LEPROTL1: variants seen among roughly 807,000 people sequenced by gnomAD.
LEPROTL1 encodes the protein leptin receptor overlapping transcript like 1, also known as leptin receptor overlapping transcript-like 1.
Under a neutral mutation model 15.4 loss-of-function variants are expected in LEPROTL1, and 6 were observed. The observed-to-expected ratio is 0.39, with a 90% CI of 0.21 to 0.77. The LOEUF (loss-of-function observed/expected upper bound fraction) is 0.77. LEPROTL1 is among the 30% of genes least tolerant of loss of function. The probability of loss-of-function intolerance (pLI) is 0.41; values close to 1 mark genes in which losing one functional copy is unlikely to be tolerated. For synonymous variants in LEPROTL1, 56 were observed against 52.6 expected (o/e 1.06, Z -0.28); for missense variants, 128 against 158.1 (o/e 0.81, Z 1.02).
At chr8:30,128,896 CTTTT>C (rs35339784) in intron 3 of LEPROTL1, among the ~76,000 whole-genome samples, 1 of 145,636 alleles carries the variant, frequency 6.9e-6, no homozygotes, top group Admixed American at 6.9e-5. Flanking sequence ...CTCTGTTTTT[CTTTT>C]TTTTTTTTTG....
chr8:30,106,938 C>A lies in LEPROTL1; in HGVS notation c.*1076C>A. On this transcript the variant is annotated 3_prime_UTR_variant, in exon 4 of 4. Transcript: ENST00000321250. ...CCTGGAAAATAATTGCTATGCCGTACATTCAGAGTGCCCCCTCCCCTGCAA... is the reference window on the plus strand; with the variant it reads ...CCTGGAAAATAATTGCTATGCCGTAAATTCAGAGTGCCCCCTCCCCTGCAA... 1.0e-6 allele frequency: 1 copy of A among 985,562 alleles called. No homozygotes were observed. The highest frequency in any genetic ancestry group is 1.2e-6 in the Non-Finnish European group (1 of 829,704). The allele number at this position is 985,562 out of a possible 1,614,324, so 61.1% of individuals were successfully genotyped here.
At chr8:30,101,649 CAA>C (rs1172334352) in intron 1 of LEPROTL1, among the ~76,000 whole-genome samples, 1 of 94,148 alleles carries the variant, frequency 1.1e-5, no homozygotes, top group African/African-American at 4.2e-5. Flanking sequence ...GCCTGGGCAA[CAA>C]GAGTGAAACT....
At chr8:30,119,120 C>T (rs1314648388) in intron 3 of LEPROTL1, among the ~76,000 whole-genome samples, 1 of 152,142 alleles carries the variant, frequency 6.6e-6, no homozygotes, top group Non-Finnish European at 1.5e-5. Context: ...CCTGGTTTAT[C>T]GAGACTGGAG....
chr8:30,112,705 C>T (rs1802673809), downstream of LEPROTL1, among the ~76,000 whole-genome samples: 1 of 151,902 alleles, frequency 6.6e-6, no homozygotes, highest in Non-Finnish European at 1.5e-5. Flanking sequence ...AGTTATTTAA[C>T]CCGTGTCCCA....
At chr8:30,113,628 T>A (rs750240507) in intron 3 of LEPROTL1, among the ~76,000 whole-genome samples, 94 of 152,100 alleles carry the variant, frequency 6.2e-4, no homozygotes, top group Non-Finnish European at 1.0e-3. Context: ...TCACCCTCCA[T>A]TATGGGCCGG....
intron 3 of LEPROTL1, chr8:30,117,631 C>T (rs536222313): frequency 1.1e-4 from 166 of 1,470,106 alleles, no homozygotes; most frequent in Non-Finnish European, 1.5e-4. Flanking sequence ...ATTTCAAATT[C>T]GCCAATGTAA....
downstream of LEPROTL1, among the ~76,000 whole-genome samples, chr8:30,109,940 C>G (rs1001360195): frequency 1.3e-5 from 2 of 151,666 alleles, no homozygotes; most frequent in Non-Finnish European, 2.9e-5. Context: ...TGTTACCATG[C>G]TGTGCAGCAG....
In LEPROTL1 at chr8:30,132,867, C is replaced by G. The variant is rs1454315185; in HGVS notation, c.394+378C>G. 5 of 1,547,256 alleles carry G rather than the reference C, an allele frequency of 3.2e-6. No homozygotes were observed. The African/African-American group carries it at 5.5e-5, about 17-fold the overall frequency. On this transcript the variant is annotated intron_variant, in intron 4 of 4. Transcript: ENST00000442880. ...TGTCCAGAGAGAGGGACGTGACCCTCTGGGTCAAGAGCATGAGAGAAGAAA... is the reference window on the plus strand; with the variant it reads ...TGTCCAGAGAGAGGGACGTGACCCTGTGGGTCAAGAGCATGAGAGAAGAAA...
chr8:30,108,051 A>G lies in LEPROTL1; in HGVS notation c.*2189A>G. 1.1e-6 allele frequency: 1 copy of G among 883,206 alleles called. No individual in the cohort carries two copies. The highest frequency in any genetic ancestry group is 1.4e-6 in the Non-Finnish European group (1 of 736,988). 54.7% of individuals were successfully genotyped at this position (883,206 alleles called of 1,614,324 possible). ...AAAACTTTTGATGATGAAACAATAA[A>G]GATTTTAAATATCTATTTTAGTTTG... On this transcript the variant is annotated 3_prime_UTR_variant, in exon 4 of 4. Transcript: ENST00000321250.
chr8:30,097,776 C>A (rs186313019), intron 1 of LEPROTL1, among the ~76,000 whole-genome samples: 3 of 151,396 alleles, frequency 2.0e-5, no homozygotes, highest in East Asian at 3.9e-4. Context: ...TATCTTGATT[C>A]CCCCAAACAA....
intron 1 of LEPROTL1, among the ~76,000 whole-genome samples, chr8:30,100,094 G>A (rs996082064): frequency 2.0e-5 from 3 of 152,226 alleles, no homozygotes; most frequent in Non-Finnish European, 4.4e-5. Flanking sequence ...GCTGGAAATA[G>A]AATGGTATTC....
intron 1 of LEPROTL1, among the ~76,000 whole-genome samples, chr8:30,097,914 A>G (rs1189742500): frequency 6.7e-6 from 1 of 148,316 alleles, no homozygotes; most frequent in Admixed American, 6.7e-5. Context: ...TTTTTTAAGG[A>G]ATCATTTTTC....
intron 3 of LEPROTL1, among the ~76,000 whole-genome samples, chr8:30,131,257 T>TGC (rs1315512981): frequency 1.5e-4 from 6 of 40,478 alleles, no homozygotes; most frequent in African/African-American, 2.3e-4. Flanking sequence ...CACCCAAATA[T>TGC]ACATATATAT....
intron 1 of LEPROTL1, among the ~76,000 whole-genome samples, chr8:30,099,617 A>C (rs1329462668): frequency 6.6e-6 from 1 of 151,532 alleles, no homozygotes; most frequent in Non-Finnish European, 1.5e-5. Flanking sequence ...AAAAAAAAAA[A>C]AAAAAAAACC....
intron 4 of LEPROTL1, chr8:30,137,210 T>C (rs967688609): frequency 4.6e-5 from 56 of 1,220,978 alleles, no homozygotes; most frequent in Non-Finnish European, 7.0e-6. Flanking sequence ...ATCTCAGGGA[T>C]CTTGCTGATT....
chr8:30,118,113 C>T (rs1367701633), intron 3 of LEPROTL1, among the ~76,000 whole-genome samples: 11 of 148,790 alleles, frequency 7.4e-5, no homozygotes, highest in African/African-American at 1.2e-4. Context: ...CAACCTCTGC[C>T]TCCTGGGTTC....
rs1203697641 is a variant in LEPROTL1 at position 30,107,204 on chromosome 8, G to GCCAAGTCCAGC, written c.*1343_*1353dup. On this transcript the variant is annotated 3_prime_UTR_variant, in exon 4 of 4. Transcript: ENST00000321250. ...TTGTTGTGTGAGTTAATGCAAAGTA[G>GCCAAGTCCAGC]CCAAGTCCAGCTATATAGCAGCTTC... The GCCAAGTCCAGC allele has an allele frequency of 4.1e-6, 4 of 985,418 alleles. No individual in the cohort carries two copies. In the South Asian group the frequency reaches 1.9e-4, roughly 46 times the overall value. The allele number at this position is 985,418 out of a possible 1,614,324, so 61.0% of individuals were successfully genotyped here. A position where few individuals can be genotyped will look rare whatever the true frequency, so the allele number is the denominator to read the frequency against.
chr8:30,106,888 A>C lies in LEPROTL1; in HGVS notation c.*1026A>C. On this transcript the variant is annotated 3_prime_UTR_variant, in exon 4 of 4. Transcript: ENST00000321250. ...TAAAATAACTTTTCAAATATAGTTT[A>C]ATAACACTTAGAAGTGTTTACTTAC... is the stretch of plus-strand genomic sequence containing the variant. 3 of 980,340 alleles carry C rather than the reference A, an allele frequency of 3.1e-6. No homozygotes were observed. Among genetic ancestry groups the C allele is most frequent in the Non-Finnish European group, 3.6e-6 (3 of 824,892 alleles). 60.7% of individuals were successfully genotyped at this position (980,340 alleles called of 1,614,324 possible).
downstream of LEPROTL1, among the ~76,000 whole-genome samples, chr8:30,109,517 A>G (rs566382118): frequency 6.6e-6 from 1 of 152,216 alleles, no homozygotes; most frequent in Admixed American, 6.5e-5. Flanking sequence ...AAACACTTTA[A>G]TTTTTCCTTG....
Sources: gnomAD v4.1 joint callset for allele counts (sites outside exome capture counted in the v4.1 genomes callset) on GRCh38, gnomAD v4.1.1 for gene constraint, MANE v1.5 for transcripts, NCBI Gene and HGNC (gene_info 2026-07-23, HGNC 2026-07-21) for gene names.